CDH17: variants seen among roughly 807,000 people sequenced by gnomAD.
CDH17 encodes cadherin-17.
CDH17 carries 67 observed loss-of-function variants against 86.3 expected under a neutral mutation model. That is an observed-to-expected ratio of 0.78 (90% CI 0.64 to 0.95). The LOEUF (loss-of-function observed/expected upper bound fraction) is 0.95. CDH17 is among the 40% of genes least tolerant of loss of function. The pLI, the probability that CDH17 is intolerant of heterozygous loss-of-function variation, is 0.00. For missense variants in CDH17, 993 were observed against 1,017.6 expected, an observed-to-expected ratio of 0.98 and a Z score of 0.33; for synonymous variants, 367 against 366.4, an observed-to-expected ratio of 1.00 and a Z score of -0.02.
intron 15 of CDH17, among the ~76,000 whole-genome samples, chr8:94,139,918 G>T (rs1355711902): frequency 6.6e-6 from 1 of 151,654 alleles, no homozygotes; most frequent in Non-Finnish European, 1.5e-5. Flanking sequence ...AAAAAGGGGG[G>T]GTGGTGAAAT....
rs1586264758 is a variant in CDH17 at position 94,177,868 on chromosome 8, A to AGTTT, written c.151-151_151-148dup. ...AACTTTTAAAGTGGTACCTTCTAAA[A>AGTTT]GTTTGTTTGCACAATAACTGTGTAA... On this transcript the variant is annotated intron_variant, in intron 3 of 17. Coordinates refer to ENST00000027335, the MANE Select transcript of CDH17 (RefSeq NM_004063.4). 4.2e-6 allele frequency: 3 copies of AGTTT among 720,560 alleles called. No individual in the cohort carries two copies. The East Asian group carries it at 8.1e-5, about 19-fold the overall frequency. 44.6% of individuals were successfully genotyped at this position (720,560 alleles called of 1,614,324 possible).
chr8:94,160,722 G>T (rs796725269), intron 11 of CDH17, among the ~76,000 whole-genome samples: 4 of 152,284 alleles, frequency 2.6e-5, no homozygotes, highest in African/African-American at 9.6e-5. Context: ...TGTTTGCTGT[G>T]GGTGTTAAGG....
intron 15 of CDH17, among the ~76,000 whole-genome samples, chr8:94,139,880 G>A (rs1812602836): frequency 6.9e-6 from 1 of 145,732 alleles, no homozygotes; most frequent in Non-Finnish European, 1.5e-5. Context: ...GAGTAAGACT[G>A]TCTCCAAAAA....
chr8:94,211,017 T>G (rs1332782944), upstream of CDH17, among the ~76,000 whole-genome samples: 1 of 116,634 alleles, frequency 8.6e-6, no homozygotes, highest in Non-Finnish European at 1.6e-5. Context: ...CAAGACTGCA[T>G]CTCAAAAAAA....
intron 1 of CDH17, among the ~76,000 whole-genome samples, chr8:94,199,281 T>C (rs890603800): frequency 6.6e-6 from 1 of 151,890 alleles, no homozygotes; most frequent in Non-Finnish European, 1.5e-5. Context: ...TGTTCTCACC[T>C]GTAAGAGCTT....
chr8:94,151,860 C>A lies in CDH17; in HGVS notation c.1796+8G>T, dbSNP rs1812861371. On this transcript the variant is annotated splice_region_variant and intron_variant, in intron 13 of 17. Coordinates refer to ENST00000027335, the MANE Select transcript of CDH17 (RefSeq NM_004063.4). ...CAGCCAGGCCTGCCCAGCACTGTTGCCCTTTACCTTATGTCCAGACCTTCT... is the reference window on the plus strand; with the variant it reads ...CAGCCAGGCCTGCCCAGCACTGTTGACCTTTACCTTATGTCCAGACCTTCT... The A allele has an allele frequency of 1.2e-6, 2 of 1,613,968 alleles. No individual in the cohort carries two copies. The highest frequency in any genetic ancestry group is 1.7e-6 in the Non-Finnish European group (2 of 1,179,976).
At chr8:94,173,475 A>G (rs78887157) in intron 7 of CDH17, among the ~76,000 whole-genome samples, 13,279 of 152,200 alleles carry the variant, frequency 0.087, 794 homozygotes, top group Non-Finnish European at 0.13. Context: ...AAGGCCCTCA[A>G]CAGAAGCAGA....
At chr8:94,149,158 G>C (rs964537848) in intron 13 of CDH17, among the ~76,000 whole-genome samples, 1 of 152,148 alleles carries the variant, frequency 6.6e-6, no homozygotes, top group East Asian at 1.9e-4. Flanking sequence ...GTATTAGGAA[G>C]GGTATAGTTC....
rs769832333 is a variant in CDH17, at chr8:94,159,962, G to A, written c.1551+9C>T. ...AAGACAAATTCTATTAAATAAATGG[G>A]CTATTTACCTTTTTAATTATGACAT... On this transcript the variant is annotated intron_variant, in intron 12 of 17. Transcript: ENST00000027335. 3 of 1,591,702 alleles carry A rather than the reference G, an allele frequency of 1.9e-6. No individual in the cohort carries two copies. Among genetic ancestry groups the A allele is most frequent in the South Asian group, 2.3e-5 (2 of 86,968 alleles).
At chr8:94,211,811 T>A (rs914880088), upstream of CDH17, among the ~76,000 whole-genome samples, 1 of 152,272 alleles carries the variant, frequency 6.6e-6, no homozygotes, top group African/African-American at 2.4e-5. Flanking sequence ...CTTGCTCTGT[T>A]AACTTGATGA....
In CDH17 at chr8:94,160,073, C is replaced by A. The variant is rs375624896; in HGVS notation, c.1449G>T (p.Gly483=). The part of the protein sequence containing the change: ...QATDADEPFT[G]SSKILYHIIK... ...TGATATGATACAGAATTTTAGAACT[C>A]CCAGTAAATGGCTCATCAGCATCAG... Residue 483 remains glycine, a synonymous_variant, in exon 12 of 18, where the codon GGG becomes GGT. Coordinates refer to ENST00000027335, the MANE Select transcript of CDH17 (RefSeq NM_004063.4). 2.5e-6 allele frequency: 4 copies of A among 1,613,880 alleles called. No homozygotes were observed. The highest frequency in any genetic ancestry group is 3.4e-6 in the Non-Finnish European group (4 of 1,179,870).
At chr8:94,199,079 ATATATTTTTT>A (rs1357678265) in intron 1 of CDH17, among the ~76,000 whole-genome samples, 3 of 8,902 alleles carry the variant, frequency 3.4e-4, no homozygotes, top group East Asian at 2.9e-3. Context: ...ATATATATAT[ATATATTTTTT>A]TTTTTTTATC....
intron 10 of CDH17, among the ~76,000 whole-genome samples, chr8:94,165,156 A>G (rs78559181): frequency 6.6e-6 from 1 of 152,306 alleles, no homozygotes; most frequent in East Asian, 1.9e-4. Flanking sequence ...CTCCAACAAC[A>G]GGGTTGTTAA....
intron 5 of CDH17, among the ~76,000 whole-genome samples, 172 bp downstream of exon 5, chr8:94,176,369 G>A (rs1170020337): frequency 1.3e-5 from 2 of 152,186 alleles, no homozygotes; most frequent in Admixed American, 6.5e-5. Context: ...GCTGCATTGA[G>A]AGACCATGCT....
intron 15 of CDH17, among the ~76,000 whole-genome samples, chr8:94,134,573 G>A (rs1812484609): frequency 1.3e-5 from 2 of 152,074 alleles, no homozygotes; most frequent in Admixed American, 1.3e-4. Context: ...CTTGCTAGCA[G>A]TCTATCAATT....
chr8:94,170,810 A>C, intron 8 of CDH17, 44 bp downstream of exon 8: 1 of 1,599,340 alleles, frequency 6.3e-7, no homozygotes, highest in Non-Finnish European at 8.5e-7. Flanking sequence ...AGATGGGCAT[A>C]GGACTTTGTC....
Position 94,170,552 on chromosome 8 carries a change from A to C in CDH17, c.916-5T>G. ...TGCAACTGCATAAAAAACATACTACAACAGGAAAGTCAGAGTTAAGGCAAG... is the reference window on the plus strand; with the variant it reads ...TGCAACTGCATAAAAAACATACTACCACAGGAAAGTCAGAGTTAAGGCAAG... On this transcript the variant is annotated splice_polypyrimidine_tract_variant and splice_region_variant and intron_variant, in intron 8 of 17. Transcript: ENST00000027335. 6.2e-7 allele frequency: 1 copy of C among 1,613,388 alleles called. No homozygotes were observed. Among genetic ancestry groups the C allele is most frequent in the South Asian group, 1.1e-5 (1 of 91,006 alleles).
At chr8:94,132,428 G>T (rs935221049) in intron 15 of CDH17, among the ~76,000 whole-genome samples, 1 of 152,196 alleles carries the variant, frequency 6.6e-6, no homozygotes, top group Admixed American at 6.5e-5. Context: ...CTGATGACCA[G>T]TGATGATCAT....
intron 13 of CDH17, among the ~76,000 whole-genome samples, chr8:94,149,218 A>T (rs1812812243): frequency 6.6e-6 from 1 of 152,176 alleles, no homozygotes; most frequent in Admixed American, 6.5e-5. Context: ...AAAAACTCAA[A>T]TTAAAGTAAC....
Sources: allele counts gnomAD v4.1 joint callset (sites outside exome capture counted in the v4.1 genomes callset), GRCh38; gene constraint gnomAD v4.1.1; transcripts MANE v1.5; gene names NCBI Gene and HGNC (gene_info 2026-07-23, HGNC 2026-07-21).